Variants in CFAP54 observed in about 807,000 individuals in gnomAD.
CFAP54 encodes cilia and flagella associated protein 54.
CFAP54 carries 290 observed loss-of-function variants against 370.4 expected under a neutral mutation model. That is an observed-to-expected ratio of 0.78 (90% CI 0.71 to 0.86). CFAP54 has a LOEUF of 0.86. CFAP54 is among the 40% of genes least tolerant of loss of function. The probability of loss-of-function intolerance (pLI) is 0.00; values close to 1 mark genes in which losing one functional copy is unlikely to be tolerated. For synonymous variants in CFAP54, 1,206 were observed against 1,236.5 expected (o/e 0.98, Z 0.52); for missense variants, 3,399 against 3,528.7 (o/e 0.96, Z 0.93).
At position 96,556,724 on chromosome 12, in the gene CFAP54, A is replaced by G. The variant is rs1355447338; in HGVS notation, c.2410+1922A>G. Among the ~76,000 whole-genome samples the G allele has an allele frequency of 2.0e-5, 3 of 152,224 alleles. 1 individual carries two copies. The South Asian group carries it at 6.2e-4, about 32-fold the overall frequency. ...ACACTATAGAATACTATGCAGCCAT[A>G]AAAAGGAACAAGATCATATCCTTTG... On this transcript the variant is annotated intron_variant, in intron 17 of 67. Coordinates refer to ENST00000524981, the MANE Select transcript of CFAP54 (RefSeq NM_001306084.2).
At chr12:96,727,680 A>T (rs1349553947) in intron 50 of CFAP54, among the ~76,000 whole-genome samples, 2 of 151,876 alleles carry the variant, frequency 1.3e-5, no homozygotes, top group Admixed American at 6.6e-5. Context: ...ATTTACATTT[A>T]AAGTTAATAT....
At chr12:96,791,182 C>T (rs887644665) in intron 62 of CFAP54, among the ~76,000 whole-genome samples, 6 of 147,824 alleles carry the variant, frequency 4.1e-5, no homozygotes, top group Admixed American at 2.1e-4. Flanking sequence ...CATTGAAGAA[C>T]GCTTTTTTTT....
At chr12:96,653,910 A>G (rs1171347390) in intron 36 of CFAP54, among the ~76,000 whole-genome samples, 1 of 152,108 alleles carries the variant, frequency 6.6e-6, no homozygotes, top group Non-Finnish European at 1.5e-5. Flanking sequence ...TACTCATATT[A>G]GTAGTGGAGA....
chr12:96,804,932 G>T (rs1247252771), intron 63 of CFAP54, among the ~76,000 whole-genome samples: 5 of 151,982 alleles, frequency 3.3e-5, no homozygotes, highest in Non-Finnish European at 5.9e-5. Flanking sequence ...GAGCCCAGAA[G>T]TAAAACCGTA....
chr12:96,643,672 C>T (rs895271660), intron 32 of CFAP54, among the ~76,000 whole-genome samples: 5 of 151,628 alleles, frequency 3.3e-5, no homozygotes, highest in Non-Finnish European at 7.4e-5. Flanking sequence ...ATATTTTTTT[C>T]TGGAGCATAT....
chr12:96,795,745 C>G (rs1252182884), intron 63 of CFAP54, among the ~76,000 whole-genome samples: 1 of 152,104 alleles, frequency 6.6e-6, no homozygotes, highest in Non-Finnish European at 1.5e-5. Context: ...AGGTTTCGAG[C>G]CCCTCTACTT....
intron 63 of CFAP54, among the ~76,000 whole-genome samples, chr12:96,802,723 G>T (rs1348269156): frequency 6.6e-6 from 1 of 152,060 alleles, no homozygotes; most frequent in African/African-American, 2.4e-5. Flanking sequence ...ATGTGCCCTG[G>T]CTGTTTGCTG....
At chr12:96,694,497 A>G (rs1957419805) in intron 45 of CFAP54, among the ~76,000 whole-genome samples, 1 of 151,878 alleles carries the variant, frequency 6.6e-6, no homozygotes. Context: ...ACGCACACAC[A>G]CACACGCGCA....
intron 55 of CFAP54, among the ~76,000 whole-genome samples, chr12:96,749,995 G>T (rs1162386073): frequency 6.6e-6 from 1 of 152,204 alleles, no homozygotes; most frequent in Non-Finnish European, 1.5e-5. Context: ...TCCCTGTGAA[G>T]CACCAGGAGA....
At chr12:96,668,153 G>A (rs1182162868) in intron 39 of CFAP54, among the ~76,000 whole-genome samples, 2 of 152,128 alleles carry the variant, frequency 1.3e-5, no homozygotes, top group African/African-American at 4.8e-5. Context: ...TCTGAGCCCT[G>A]TAAATCTCTA....
chr12:96,560,921 A>C (rs1955807684), intron 17 of CFAP54, among the ~76,000 whole-genome samples: 1 of 152,106 alleles, frequency 6.6e-6, no homozygotes, highest in Non-Finnish European at 1.5e-5. Context: ...TTCCTTCTAG[A>C]TTTATTTGGT....
intron 13 of CFAP54, 32 bp downstream of exon 13, chr12:96,538,550 T>G: frequency 4.6e-6 from 7 of 1,529,830 alleles, no homozygotes; most frequent in Non-Finnish European, 6.1e-6. Flanking sequence ...TCACGTGTTT[T>G]TTTTGCTATT....
intron 39 of CFAP54, among the ~76,000 whole-genome samples, chr12:96,665,976 G>A (rs931403158): frequency 5.3e-5 from 8 of 152,120 alleles, no homozygotes; most frequent in African/African-American, 9.7e-5. Flanking sequence ...CCATTTGTTT[G>A]TGTCATCTCT....
At chr12:96,676,946 A>G (rs1957215806) in intron 39 of CFAP54, among the ~76,000 whole-genome samples, 1 of 152,094 alleles carries the variant, frequency 6.6e-6, no homozygotes. Context: ...AGAATCTACC[A>G]TTCTGGTCTC....
At position 96,621,875 on chromosome 12, in the gene CFAP54, G is replaced by GTTTGTTTTTTTTTTTTTTTTTTTT. The variant is rs1956496257; in HGVS notation, c.3771+157_3771+158insGTTTTTTTTTTTTTTTTTTTTTTT. 1.8e-4 allele frequency among the ~76,000 whole-genome samples: 9 copies of GTTTGTTTTTTTTTTTTTTTTTTTT among 50,020 alleles called. 1 individual carries two copies. The highest frequency in any genetic ancestry group is 3.0e-4 in the Non-Finnish European group (9 of 30,228). The allele number at this position is 50,020 out of a possible 152,430, so 32.8% of individuals were successfully genotyped here. A position where few individuals can be genotyped will look rare whatever the true frequency, so the allele number is the denominator to read the frequency against. ...ATTATAGTAAAGAGCTTTTGGGTTT[G>GTTTGTTTTTTTTTTTTTTTTTTTT]TTTTTTTTTTTTTTTTTTTTTTTTT... is the stretch of plus-strand genomic sequence containing the variant. On this transcript the variant is annotated intron_variant, in intron 27 of 67. Coordinates refer to ENST00000524981, the MANE Select transcript of CFAP54 (RefSeq NM_001306084.2).
chr12:96,811,014 G>A (rs760697482), intron 63 of CFAP54, among the ~76,000 whole-genome samples: 6 of 152,078 alleles, frequency 3.9e-5, no homozygotes, highest in East Asian at 3.8e-4. Flanking sequence ...GCCTTCTAAC[G>A]TCCTTTGTTA....
intron 63 of CFAP54, among the ~76,000 whole-genome samples, chr12:96,800,813 CG>C (rs1958812239): frequency 6.6e-6 from 1 of 152,150 alleles, no homozygotes; most frequent in Non-Finnish European, 1.5e-5. Flanking sequence ...ATAAGATAAA[CG>C]CTTTCATTAG....
intron 3 of CFAP54, among the ~76,000 whole-genome samples, chr12:96,504,952 T>C (rs1389410113): frequency 7.3e-6 from 1 of 137,240 alleles, no homozygotes; most frequent in Non-Finnish European, 1.6e-5. Flanking sequence ...TTTCTTTCTT[T>C]TTCTTTCTTT....
In CFAP54 at chr12:96,742,464, A is replaced by G. The variant is rs1451795917; in HGVS notation, c.7097A>G (p.Glu2366Gly). ...GTCACTGAAAATAAAGATGACAGTGAGTTTTTAGATCCTATTTCCCTAAAT... is the reference window on the plus strand; with the variant it reads ...GTCACTGAAAATAAAGATGACAGTGGGTTTTTAGATCCTATTTCCCTAAAT... ...TSVTENKDDS[E>G]FLDPISLNAR... Residue 2366 changes from glutamate (E) to glycine (G), a missense_variant, in exon 52 of 68, where the codon GAG becomes GGG. Physicochemically the swap from Glu to Gly is moderately conservative, Grantham distance 98. Transcript: ENST00000524981. 1 of 1,591,422 alleles carries G rather than the reference A, an allele frequency of 6.3e-7. No individual in the cohort carries two copies. The highest frequency in any genetic ancestry group is 8.6e-7 in the Non-Finnish European group (1 of 1,160,774).
Sources: gnomAD v4.1 joint callset for allele counts (sites outside exome capture counted in the v4.1 genomes callset) on GRCh38, gnomAD v4.1.1 for gene constraint, MANE v1.5 for transcripts, NCBI Gene and HGNC (gene_info 2026-07-23, HGNC 2026-07-21) for gene names.